Variants in SGCD observed in about 807,000 individuals in gnomAD.
The protein encoded by SGCD is delta-sarcoglycan.
SGCD carries 18 observed loss-of-function variants against 36.6 expected under a neutral mutation model. That is an observed-to-expected ratio of 0.49 (90% confidence interval 0.34 to 0.73). The LOEUF is 0.73. SGCD is among the 30% of genes least tolerant of loss of function. The pLI, the probability that SGCD is intolerant of heterozygous loss-of-function variation, is 0.01. For missense variants in SGCD, 387 were observed against 346.7 expected (o/e 1.12, Z -0.92); for synonymous variants, 133 against 130.6 (o/e 1.02, Z -0.12).
At chr5:156,047,541 C>T (rs971646221) in intron 1 of SGCD, among the ~76,000 whole-genome samples, 3 of 152,160 alleles carry the variant, frequency 2.0e-5, no homozygotes, top group Admixed American at 6.5e-5. Context: ...TAAATCTACT[C>T]TGCCTATGCC....
intron 3 of SGCD, among the ~76,000 whole-genome samples, chr5:156,381,133 G>A (rs967069164): frequency 1.3e-5 from 2 of 152,178 alleles, no homozygotes; most frequent in African/African-American, 2.4e-5. Context: ...CAGGGTGGAG[G>A]CCAAGGTAAT....
chr5:156,678,649 A>G (rs1753605010), intron 7 of SGCD, among the ~76,000 whole-genome samples: 1 of 152,172 alleles, frequency 6.6e-6, no homozygotes, highest in Non-Finnish European at 1.5e-5. Context: ...TCTTCAGTGA[A>G]TCATTGTTTG....
At chr5:156,330,750 G>A (rs1409243704) in intron 2 of SGCD, among the ~76,000 whole-genome samples, 2 of 152,184 alleles carry the variant, frequency 1.3e-5, no homozygotes, top group Non-Finnish European at 2.9e-5. Context: ...ATTGTAGGGA[G>A]AGGAAGCACA....
chr5:156,105,385 T>C (rs1259527586), intron 1 of SGCD, among the ~76,000 whole-genome samples: 1 of 152,246 alleles, frequency 6.6e-6, no homozygotes, highest in Non-Finnish European at 1.5e-5. Flanking sequence ...GGCAGACTTA[T>C]GAAGCCAATT....
intron 4 of SGCD, among the ~76,000 whole-genome samples, chr5:156,556,510 A>C (rs925186466): frequency 1.3e-5 from 2 of 152,188 alleles, no homozygotes; most frequent in African/African-American, 4.8e-5. Context: ...ATTTGTGTTT[A>C]GCAATGGCTT....
chr5:156,221,378 A>G (rs1242760363), intron 3 of SGCD, among the ~76,000 whole-genome samples: 2 of 152,150 alleles, frequency 1.3e-5, no homozygotes, highest in Non-Finnish European at 2.9e-5. Flanking sequence ...ACAAAAATTT[A>G]GAAATGCAAT....
the SGCD span, among the ~76,000 whole-genome samples, chr5:155,731,110 A>AGACAGAGGGGCACGAGAGGGAGG: frequency 6.6e-6 from 1 of 152,082 alleles, no homozygotes; most frequent in Non-Finnish European, 1.5e-5. Flanking sequence ...AAAAGGAGAA[A>AGACAGAGGGGCACGAGAGGGAGG]GACAGAGGGG....
chr5:156,479,753 T>C (rs1229541219), intron 3 of SGCD, among the ~76,000 whole-genome samples: 2 of 152,164 alleles, frequency 1.3e-5, no homozygotes, highest in Non-Finnish European at 2.9e-5. Context: ...TTCTTTCCTC[T>C]TCTTTCTTTC....
chr5:156,420,288 G>T (rs947844000), intron 3 of SGCD, among the ~76,000 whole-genome samples: 3 of 152,034 alleles, frequency 2.0e-5, no homozygotes, highest in Admixed American at 6.6e-5. Flanking sequence ...CCTAATAAGT[G>T]CTTTTACATC....
At chr5:156,712,672 G>C (rs901599710) in intron 7 of SGCD, among the ~76,000 whole-genome samples, 2 of 152,052 alleles carry the variant, frequency 1.3e-5, no homozygotes, top group Non-Finnish European at 1.5e-5. Flanking sequence ...TCCTCTTTTT[G>C]CTCCCCAGTT....
At chr5:155,800,054 C>T in the SGCD span, among the ~76,000 whole-genome samples, 1 of 151,846 alleles carries the variant, frequency 6.6e-6, no homozygotes, top group Non-Finnish European at 1.5e-5. Flanking sequence ...CCTGACCTCA[C>T]GTGATACACC....
rs150238165 is a variant in SGCD at position 156,600,941 on chromosome 5, C to T, written c.502+5890C>T. Among the ~76,000 whole-genome samples the T allele has an allele frequency of 7.2e-5, 11 of 152,068 alleles. No homozygotes were observed. In the East Asian group the frequency reaches 1.4e-3, roughly 19 times the overall value. ...ATGATGTTGAGCATATTTTCATATA[C>T]CTGTTGAACATTGGTATGTTTTTGA... On this transcript the variant is annotated intron_variant, in intron 6 of 8. Transcript: ENST00000337851.
chr5:156,444,065 TCTCTC>T (rs1753627398), intron 3 of SGCD, among the ~76,000 whole-genome samples: 1 of 12,382 alleles, frequency 8.1e-5, no homozygotes, highest in Non-Finnish European at 1.7e-4. Context: ...TTTCTCTCCT[TCTCTC>T]TCTCTCTCTC....
rs1554094928 is a variant in SGCD, at chr5:156,344,493, C to T, written c.8C>T (p.Pro3Leu). Residue 3 changes from proline (P) to leucine (L), a missense_variant, in exon 3 of 9, where the codon CCT (proline) becomes CTT (leucine). Coordinates refer to ENST00000337851, the MANE Select transcript of SGCD (RefSeq NM_000337.6). The stretch of plus-strand genomic sequence containing the variant: ...CTCTTGCCTCGTTTATTTCAGATGC[C>T]TCAGGAGCAGTACACTCACCACCGG... MM[P>L]QEQYTHHRST... 2 of 1,583,026 alleles carry T rather than the reference C, an allele frequency of 1.3e-6. No homozygotes were observed. The highest frequency in any genetic ancestry group is 1.7e-6 in the Non-Finnish European group (2 of 1,168,310).
intron 1 of SGCD, among the ~76,000 whole-genome samples, chr5:155,984,278 C>A (rs1369255584): frequency 6.6e-6 from 1 of 152,164 alleles, no homozygotes; most frequent in African/African-American, 2.4e-5. Context: ...ATAAACTGAG[C>A]CTTAGGATAA....
chr5:156,387,109 C>G (rs1771317833), intron 3 of SGCD, among the ~76,000 whole-genome samples: 1 of 152,184 alleles, frequency 6.6e-6, no homozygotes, highest in Non-Finnish European at 1.5e-5. Context: ...GTTTGCCTCC[C>G]ATTTCCCTCT....
chr5:155,906,306 A>G (rs1756510991), intron 1 of SGCD, among the ~76,000 whole-genome samples: 1 of 152,068 alleles, frequency 6.6e-6, no homozygotes, highest in East Asian at 1.9e-4. Flanking sequence ...TCATACTCAC[A>G]CTAGGCCAAT....
intron 1 of SGCD, among the ~76,000 whole-genome samples, chr5:155,901,527 G>A (rs78841760): frequency 1.3e-5 from 2 of 152,242 alleles, no homozygotes; most frequent in East Asian, 3.9e-4. Flanking sequence ...TGATTTGCCT[G>A]TGTCTCTTGG....
At chr5:156,586,681 T>G (rs1760506963) in intron 4 of SGCD, among the ~76,000 whole-genome samples, 1 of 152,248 alleles carries the variant, frequency 6.6e-6, no homozygotes, top group Admixed American at 6.5e-5. Context: ...GCTTTCAGCT[T>G]TAGCTGTTGA....
Sources: gnomAD v4.1 joint callset for allele counts (sites outside exome capture counted in the v4.1 genomes callset) on GRCh38, gnomAD v4.1.1 for gene constraint, MANE v1.5 for transcripts, NCBI Gene and HGNC (gene_info 2026-07-23, HGNC 2026-07-21) for gene names.